LPP: variants seen among roughly 807,000 people sequenced by gnomAD.
The protein encoded by LPP is lipoma-preferred partner.
A neutral mutation model predicts 60.4 loss-of-function variants in LPP; 38 were observed. That is an observed-to-expected ratio of 0.63 (90% CI 0.49 to 0.83). The LOEUF (loss-of-function observed/expected upper bound fraction) is 0.83, where lower values mean the gene tolerates loss of function less well. Ranked by LOEUF, LPP falls within the 40% of genes least tolerant of loss-of-function variation. The pLI is 0.00. For synonymous variants in LPP, 328 were observed against 290.8 expected (o/e 1.13, Z -1.30); for missense variants, 902 against 783.6 (o/e 1.15, Z -1.80).
At chr3:188,682,797 C>G (rs2149381073) in intron 7 of LPP, among the ~76,000 whole-genome samples, 1 of 152,254 alleles carries the variant, frequency 6.6e-6, no homozygotes, top group Admixed American at 6.5e-5. Context: ...TGCAGTTTCT[C>G]TCTGTCACTG....
chr3:188,487,400 G>A (rs1254835072), intron 5 of LPP, among the ~76,000 whole-genome samples: 2 of 152,140 alleles, frequency 1.3e-5, no homozygotes, highest in African/African-American at 4.8e-5. Flanking sequence ...TTTTCAGGTG[G>A]ACCTTGTTCT....
intron 4 of LPP, among the ~76,000 whole-genome samples, chr3:188,416,921 A>G (rs890605053): frequency 6.6e-6 from 1 of 152,190 alleles, no homozygotes; most frequent in Non-Finnish European, 1.5e-5. Flanking sequence ...TATGGACATT[A>G]TAAAAATAAA....
chr3:188,250,267 A>G (rs1728666138), intron 2 of LPP, among the ~76,000 whole-genome samples: 1 of 152,032 alleles, frequency 6.6e-6, no homozygotes, highest in Admixed American at 6.6e-5. Context: ...CTCCCCCTTT[A>G]CAATTATAGT....
intron 5 of LPP, among the ~76,000 whole-genome samples, chr3:188,522,169 G>T (rs1320210116): frequency 6.6e-6 from 1 of 152,126 alleles, no homozygotes; most frequent in South Asian, 2.1e-4. Flanking sequence ...AGTTTAATCA[G>T]ACTGGAAATT....
intron 9 of LPP, among the ~76,000 whole-genome samples, chr3:188,828,983 C>G (rs898489736): frequency 2.6e-5 from 4 of 152,028 alleles, no homozygotes; most frequent in Non-Finnish European, 5.9e-5. Context: ...ATAGTTTTGT[C>G]GGTATTTCTT....
rs376516801 is a variant in LPP, at chr3:188,405,881, C to A, written c.-9-231C>A. ...TTCTCTTCCTGCTCCTCCTCTTTCT[C>A]TTTCTTTCTTTCTTTCTCCTTTTCC... On this transcript the variant is annotated intron_variant, in intron 3 of 11. Transcript: ENST00000617246. 1.0e-3 allele frequency among the ~76,000 whole-genome samples: 7 copies of A among 6,860 alleles called. No homozygotes were observed. In the South Asian group the frequency reaches 0.038, roughly 38 times the overall value. The allele number at this position is 6,860 out of a possible 152,430, so 4.5% of individuals were successfully genotyped here.
At chr3:188,641,942 C>T (rs752503180) in intron 7 of LPP, among the ~76,000 whole-genome samples, 3 of 152,162 alleles carry the variant, frequency 2.0e-5, no homozygotes, top group Non-Finnish European at 4.4e-5. Flanking sequence ...GGCTGGTTAC[C>T]GGATGGAACG....
chr3:188,470,871 C>G (rs553246520), intron 4 of LPP, among the ~76,000 whole-genome samples: 1 of 152,216 alleles, frequency 6.6e-6, no homozygotes, highest in Non-Finnish European at 1.5e-5. Context: ...CTGCTGTCTG[C>G]AGTATTAGTC....
intron 4 of LPP, among the ~76,000 whole-genome samples, chr3:188,467,390 C>G (rs1360881929): frequency 6.6e-6 from 1 of 152,054 alleles, no homozygotes; most frequent in Non-Finnish European, 1.5e-5. Flanking sequence ...AACTTTTGCT[C>G]TTGTCTATAC....
At chr3:188,154,031 G>C (rs1715237182), upstream of LPP, 1 of 156,424 alleles carries the variant, frequency 6.4e-6, no homozygotes, top group African/African-American at 2.4e-5. Flanking sequence ...GGTAAGGGCT[G>C]GCTGCACGGC....
intron 8 of LPP, chr3:188,758,617 C>T (rs1035740964): frequency 6.6e-6 from 1 of 152,192 alleles, no homozygotes; most frequent in African/African-American, 2.4e-5. Flanking sequence ...TTTTCTCTCA[C>T]GTTGAAACAT....
intron 3 of LPP, among the ~76,000 whole-genome samples, chr3:188,378,004 G>T (rs1289543105): frequency 6.6e-6 from 1 of 152,200 alleles, no homozygotes; most frequent in Non-Finnish European, 1.5e-5. Context: ...ATCAGCAGCG[G>T]TGGCTGCAGA....
rs538712686 is a variant in LPP at position 188,161,684 on chromosome 3, T to C, written c.-190+7432T>C. 5.9e-5 allele frequency among the ~76,000 whole-genome samples: 9 copies of C among 152,286 alleles called. No homozygotes were observed. In the East Asian group the frequency reaches 1.4e-3, roughly 23 times the overall value. ...TAGGCCAGCCCTGTTTCCAGGTATT[T>C]TTCATTCTCAATTTCTGCTGTACCT... On this transcript the variant is annotated intron_variant, in intron 1 of 11. Coordinates refer to ENST00000617246, the MANE Select transcript of LPP (RefSeq NM_001375462.1).
intron 2 of LPP, among the ~76,000 whole-genome samples, chr3:188,277,775 C>G (rs539809017): frequency 6.6e-6 from 1 of 152,164 alleles, no homozygotes; most frequent in Non-Finnish European, 1.5e-5. Context: ...TTCAGTGGCT[C>G]AAATGCCGAG....
intron 7 of LPP, among the ~76,000 whole-genome samples, chr3:188,653,932 C>T (rs1242346824): frequency 6.6e-6 from 1 of 152,164 alleles, no homozygotes; most frequent in African/African-American, 2.4e-5. Context: ...TAGTGATTTG[C>T]CACCACTGCC....
chr3:188,320,988 G>A (rs1756772818), intron 2 of LPP, among the ~76,000 whole-genome samples: 1 of 152,202 alleles, frequency 6.6e-6, no homozygotes, highest in Non-Finnish European at 1.5e-5. Context: ...CCTTGGTCCT[G>A]TTTGATTTTC....
At chr3:188,630,352 G>T (rs1847640113) in intron 7 of LPP, among the ~76,000 whole-genome samples, 4 of 151,992 alleles carry the variant, frequency 2.6e-5, no homozygotes. Context: ...TAACCAACAA[G>T]CATATGAAAA....
intron 6 of LPP, among the ~76,000 whole-genome samples, chr3:188,528,982 G>T (rs964270335): frequency 7.2e-5 from 11 of 152,252 alleles, no homozygotes; most frequent in African/African-American, 2.6e-4. Flanking sequence ...TCATAATTAT[G>T]GTAAAATACA....
intron 2 of LPP, among the ~76,000 whole-genome samples, chr3:188,251,015 C>T (rs1285091058): frequency 1.1e-4 from 7 of 61,180 alleles, no homozygotes; most frequent in Admixed American, 1.9e-4. Flanking sequence ...CCCTCCCCCC[C>T]GCCCTCCCCC....
Sources: gnomAD v4.1 joint callset for allele counts (sites outside exome capture counted in the v4.1 genomes callset) on GRCh38, gnomAD v4.1.1 for gene constraint, MANE v1.5 for transcripts, NCBI Gene and HGNC (gene_info 2026-07-23, HGNC 2026-07-21) for gene names.